Variants in CNTNAP2 observed in about 807,000 individuals in gnomAD.
The protein encoded by CNTNAP2 is contactin associated protein 2.
Under a neutral mutation model 155.2 loss-of-function variants are expected in CNTNAP2, and 98 were observed. The observed-to-expected ratio is 0.63, with a 90% CI of 0.54 to 0.75. The LOEUF (loss-of-function observed/expected upper bound fraction) is 0.75. CNTNAP2 is among the 30% of genes least tolerant of loss of function. The probability of loss-of-function intolerance (pLI) is 0.00; values close to 1 mark genes in which losing one functional copy is unlikely to be tolerated. For missense variants in CNTNAP2, 1,727 were observed against 1,688.1 expected (o/e 1.02, Z -0.40); for synonymous variants, 651 against 631.2 (o/e 1.03, Z -0.47).
intron 3 of CNTNAP2, among the ~76,000 whole-genome samples, chr7:146,862,824 T>C (rs1443065167): frequency 1.3e-5 from 2 of 152,234 alleles, no homozygotes; most frequent in African/African-American, 2.4e-5. Context: ...TGGTTCTTTA[T>C]GGTACAGTGT....
At chr7:148,398,463 G>A (rs1007621675) in intron 22 of CNTNAP2, among the ~76,000 whole-genome samples, 1 of 152,194 alleles carries the variant, frequency 6.6e-6, no homozygotes, top group Non-Finnish European at 1.5e-5. Context: ...ATTATTCACT[G>A]AACTCCTTTG....
chr7:147,497,131 C>T (rs1017751293), intron 11 of CNTNAP2: 1 of 152,236 alleles, frequency 6.6e-6, no homozygotes, highest in South Asian at 2.1e-4. Context: ...ATTTGGAAAT[C>T]TTTAGACTTA....
chr7:146,871,221 TG>T (rs1795299538), intron 3 of CNTNAP2, among the ~76,000 whole-genome samples: 1 of 152,124 alleles, frequency 6.6e-6, no homozygotes, highest in African/African-American at 2.4e-5. Context: ...TTACCAATTT[TG>T]TTTTTTCCTG....
chr7:147,402,320 C>T (rs908441951), intron 10 of CNTNAP2, among the ~76,000 whole-genome samples: 4 of 152,172 alleles, frequency 2.6e-5, no homozygotes, highest in African/African-American at 9.7e-5. Flanking sequence ...CCTCTGAGCT[C>T]CCTGAGAGTC....
intron 1 of CNTNAP2, among the ~76,000 whole-genome samples, chr7:146,470,118 C>T (rs1183688810): frequency 7.9e-5 from 12 of 152,110 alleles, no homozygotes; most frequent in Admixed American, 2.0e-4. Flanking sequence ...GGATTACAGG[C>T]GTGAGCCACT....
intron 10 of CNTNAP2, among the ~76,000 whole-genome samples, chr7:147,468,949 G>A (rs539653099): frequency 2.9e-4 from 44 of 151,258 alleles, no homozygotes; most frequent in Admixed American, 4.6e-4. Context: ...CAAGCCATTC[G>A]CAAGCCTCAG....
chr7:147,916,150 C>T (rs1443869943), intron 14 of CNTNAP2, among the ~76,000 whole-genome samples: 1 of 152,128 alleles, frequency 6.6e-6, no homozygotes, highest in Non-Finnish European at 1.5e-5. Context: ...CCTGGAAAGC[C>T]ACTGTGTTTC....
chr7:146,174,309 G>T (rs1407911838), intron 1 of CNTNAP2, among the ~76,000 whole-genome samples: 1 of 151,838 alleles, frequency 6.6e-6, no homozygotes, highest in Non-Finnish European at 1.5e-5. Flanking sequence ...ACATTTTTGG[G>T]CTTAGTAACT....
At chr7:147,850,889 A>T (rs1798925049) in intron 13 of CNTNAP2, among the ~76,000 whole-genome samples, 2 of 152,180 alleles carry the variant, frequency 1.3e-5, no homozygotes, top group Non-Finnish European at 2.9e-5. Context: ...AAAACACCAA[A>T]AGCAATGGCA....
chr7:146,446,953 G>A (rs902647290), intron 1 of CNTNAP2, among the ~76,000 whole-genome samples: 2 of 151,930 alleles, frequency 1.3e-5, no homozygotes, highest in African/African-American at 2.4e-5. Flanking sequence ...TCAAAAAGTA[G>A]CAATTTATAC....
chr7:146,380,338 T>C (rs73738720), intron 1 of CNTNAP2, among the ~76,000 whole-genome samples: 2,101 of 152,320 alleles, frequency 0.014, 45 homozygotes, highest in African/African-American at 0.047. Flanking sequence ...CATATTTTTA[T>C]GAAGGACTTC....
chr7:146,999,694 T>A (rs751419791), intron 3 of CNTNAP2, among the ~76,000 whole-genome samples: 8 of 152,070 alleles, frequency 5.3e-5, no homozygotes, highest in Non-Finnish European at 1.0e-4. Flanking sequence ...GCACTTTGAA[T>A]ATATCATCCT....
Position 147,769,455 on chromosome 7 carries a change from G to A in CNTNAP2, c.2098+130149G>A, listed in dbSNP as rs567159709. Among the ~76,000 whole-genome samples, 3 of 152,128 alleles carry A rather than the reference G, an allele frequency of 2.0e-5. No individual in the cohort carries two copies. The East Asian group carries it at 5.8e-4, about 29-fold the overall frequency. ...TTTGAAAAACATGCATACTTCATGT[G>A]AACTATAGTGAAGTGTCTGATTATC... On this transcript the variant is annotated intron_variant, in intron 13 of 23. Transcript: ENST00000361727.
chr7:146,673,618 T>G (rs907760978), intron 1 of CNTNAP2, among the ~76,000 whole-genome samples: 5 of 152,212 alleles, frequency 3.3e-5, no homozygotes, highest in African/African-American at 9.6e-5. Flanking sequence ...TCAAACTGTG[T>G]TTGAATAAGC....
intron 9 of CNTNAP2, among the ~76,000 whole-genome samples, chr7:147,330,381 C>T (rs1380768449): frequency 6.6e-6 from 1 of 152,032 alleles, no homozygotes; most frequent in Admixed American, 6.6e-5. Flanking sequence ...TGTGATAAAC[C>T]ACTAGATACA....
chr7:146,639,527 T>C (rs1201462819), intron 1 of CNTNAP2, among the ~76,000 whole-genome samples: 1 of 152,246 alleles, frequency 6.6e-6, no homozygotes, highest in Non-Finnish European at 1.5e-5. Context: ...TGCTTGAGTG[T>C]AAAATATATT....
chr7:146,757,213 C>T (rs1162969307), intron 1 of CNTNAP2, among the ~76,000 whole-genome samples: 5 of 152,050 alleles, frequency 3.3e-5, no homozygotes, highest in Non-Finnish European at 7.4e-5. Flanking sequence ...TTCAAATGAG[C>T]AGAGTTGGCA....
chr7:147,798,833 G>C (rs1249562031), intron 13 of CNTNAP2, among the ~76,000 whole-genome samples: 3 of 152,182 alleles, frequency 2.0e-5, no homozygotes, highest in Non-Finnish European at 4.4e-5. Flanking sequence ...GGAGAGCAGA[G>C]AATGAACACT....
At chr7:148,221,606 C>T (rs1336828776) in intron 19 of CNTNAP2, among the ~76,000 whole-genome samples, 2 of 152,146 alleles carry the variant, frequency 1.3e-5, no homozygotes, top group Non-Finnish European at 2.9e-5. Flanking sequence ...AAAAGGAAAT[C>T]ATTAGGAAAA....
Sources: gnomAD v4.1 joint callset for allele counts (sites outside exome capture counted in the v4.1 genomes callset) on GRCh38, gnomAD v4.1.1 for gene constraint, MANE v1.5 for transcripts, NCBI Gene and HGNC (gene_info 2026-07-23, HGNC 2026-07-21) for gene names.